DLGAP1: variants seen among roughly 807,000 people sequenced by gnomAD.
DLGAP1 encodes the protein disks large-associated protein 1.
DLGAP1 carries 11 observed loss-of-function variants against 90.8 expected under a neutral mutation model. The observed-to-expected ratio is 0.12, with a 90% CI of 0.08 to 0.20. DLGAP1 has a LOEUF of 0.20. Among genes scored for constraint, DLGAP1 ranks in the 10% least tolerant of loss-of-function variants. DLGAP1 has a pLI of 1.00. For missense variants in DLGAP1, 1,050 were observed against 1,333.8 expected, an observed-to-expected ratio of 0.79 and a Z score of 3.31; for synonymous variants, 558 against 540.7, an observed-to-expected ratio of 1.03 and a Z score of -0.44.
intron 2 of DLGAP1, among the ~76,000 whole-genome samples, chr18:4,067,976 G>A (rs1204847015): frequency 6.6e-6 from 1 of 152,002 alleles, no homozygotes; most frequent in Non-Finnish European, 1.5e-5. Context: ...TATTTGGCCA[G>A]AATCAACCTC....
At chr18:3,855,048 T>G (rs1211556983) in intron 4 of DLGAP1, among the ~76,000 whole-genome samples, 8 of 152,126 alleles carry the variant, frequency 5.3e-5, no homozygotes, top group Admixed American at 5.2e-4. Context: ...TAAATGCCCA[T>G]GAACGACAGA....
intron 5 of DLGAP1, among the ~76,000 whole-genome samples, chr18:3,811,807 G>A (rs1568174552): frequency 6.6e-6 from 1 of 152,300 alleles, no homozygotes; most frequent in Non-Finnish European, 1.5e-5. Flanking sequence ...ACTTCAGAGT[G>A]ATCCTCCACA....
chr18:4,224,677 A>T (rs1283427770), intron 1 of DLGAP1, among the ~76,000 whole-genome samples: 1 of 150,702 alleles, frequency 6.6e-6, no homozygotes, highest in Non-Finnish European at 1.5e-5. Flanking sequence ...GCTCAGCCAC[A>T]GTGGAATAGA....
chr18:4,131,373 G>A (rs540430684), intron 2 of DLGAP1, among the ~76,000 whole-genome samples: 26 of 152,262 alleles, frequency 1.7e-4, no homozygotes, highest in African/African-American at 6.3e-4. Context: ...TAAAACATGC[G>A]AAGAACTGTA....
intron 5 of DLGAP1, among the ~76,000 whole-genome samples, chr18:3,769,182 A>G (rs1403024034): frequency 1.3e-5 from 2 of 152,146 alleles, no homozygotes. Flanking sequence ...ATGAAAATTA[A>G]ATTCACAATA....
At chr18:3,601,522 G>C (rs1007149101) in intron 7 of DLGAP1, among the ~76,000 whole-genome samples, 2 of 151,554 alleles carry the variant, frequency 1.3e-5, no homozygotes, top group African/African-American at 4.9e-5. Context: ...CTACCCTCAG[G>C]CTACAGTTCG....
At chr18:4,120,235 A>T (rs1802469167) in intron 2 of DLGAP1, among the ~76,000 whole-genome samples, 1 of 152,244 alleles carries the variant, frequency 6.6e-6, no homozygotes, top group Non-Finnish European at 1.5e-5. Flanking sequence ...CAACTGTTAA[A>T]AAAAGCAGTG....
intron 4 of DLGAP1, among the ~76,000 whole-genome samples, chr18:3,861,677 T>A (rs73374542): frequency 0.12 from 18,474 of 152,220 alleles, 1,192 homozygotes; most frequent in Admixed American, 0.15. Context: ...AAAGGTCTTT[T>A]TGAGATAGGA....
At chr18:4,295,814 G>A (rs1424014038) in intron 1 of DLGAP1, among the ~76,000 whole-genome samples, 3 of 152,170 alleles carry the variant, frequency 2.0e-5, no homozygotes, top group Non-Finnish European at 4.4e-5. Flanking sequence ...ATTTGTGCTC[G>A]GTAAGTGTTA....
chr18:3,772,292 C>T (rs1340485673), intron 5 of DLGAP1, among the ~76,000 whole-genome samples: 1 of 140,484 alleles, frequency 7.1e-6, no homozygotes, highest in African/African-American at 2.8e-5. Flanking sequence ...TCCTTTTCTC[C>T]TTTTCTTTCT....
intron 10 of DLGAP1, among the ~76,000 whole-genome samples, chr18:3,511,692 A>C (rs939553630): frequency 2.0e-5 from 3 of 152,130 alleles, no homozygotes; most frequent in Non-Finnish European, 4.4e-5. Flanking sequence ...CAGCCTCCCA[A>C]AGTGCTGGGA....
chr18:4,114,758 T>C (rs1378494148), intron 2 of DLGAP1, among the ~76,000 whole-genome samples: 1 of 152,094 alleles, frequency 6.6e-6, no homozygotes, highest in Non-Finnish European at 1.5e-5. Context: ...CGTCTCATAT[T>C]TATATGGCCA....
At chr18:4,113,052 A>T (rs1427450000) in intron 2 of DLGAP1, among the ~76,000 whole-genome samples, 1 of 148,428 alleles carries the variant, frequency 6.7e-6, no homozygotes, top group Non-Finnish European at 1.5e-5. Context: ...CGCTATTGTA[A>T]ATAGTGTTGT....
intron 3 of DLGAP1, among the ~76,000 whole-genome samples, chr18:3,982,042 G>A (rs900153411): frequency 3.9e-5 from 6 of 152,018 alleles, no homozygotes; most frequent in African/African-American, 1.2e-4. Flanking sequence ...TGCACAGAGA[G>A]CATATCTGGT....
intron 1 of DLGAP1, among the ~76,000 whole-genome samples, chr18:4,382,246 C>T (rs1017651258): frequency 6.6e-5 from 10 of 152,128 alleles, no homozygotes; most frequent in Non-Finnish European, 1.0e-4. Flanking sequence ...GTCCCATTCC[C>T]AGCACACCTC....
chr18:3,917,951 A>G (rs983942191), intron 3 of DLGAP1, among the ~76,000 whole-genome samples: 8 of 152,150 alleles, frequency 5.3e-5, no homozygotes, highest in Admixed American at 3.3e-4. Context: ...AAAGAAAAGG[A>G]AACCAGGTTC....
intron 9 of DLGAP1, among the ~76,000 whole-genome samples, chr18:3,543,177 T>TG (rs2052796062): frequency 6.8e-6 from 1 of 146,656 alleles, no homozygotes; most frequent in Non-Finnish European, 1.5e-5. Flanking sequence ...TTTTTTTTTT[T>TG]TTTTTTTTTT....
intron 1 of DLGAP1, among the ~76,000 whole-genome samples, chr18:4,296,142 A>G (rs754302634): frequency 4.1e-4 from 63 of 152,340 alleles, no homozygotes; most frequent in Non-Finnish European, 7.4e-4. Context: ...CTAGCCACAC[A>G]TTATGGCCCC....
intron 4 of DLGAP1, among the ~76,000 whole-genome samples, chr18:3,868,707 G>C (rs1364355476): frequency 6.6e-6 from 1 of 152,202 alleles, no homozygotes; most frequent in Admixed American, 6.5e-5. Flanking sequence ...GATGACATTG[G>C]AGAAGCAGGC....
Sources: allele counts gnomAD v4.1 joint callset (sites outside exome capture counted in the v4.1 genomes callset), GRCh38; gene constraint gnomAD v4.1.1; transcripts MANE v1.5; gene names NCBI Gene and HGNC (gene_info 2026-07-23, HGNC 2026-07-21).